SEM1: variants seen among roughly 807,000 people sequenced by gnomAD.
SEM1 encodes the protein 26S proteasome complex subunit SEM1.
In SEM1, 3 loss-of-function variants were observed where a neutral mutation model predicts 12.7. The observed-to-expected ratio is 0.24, with a 90% CI of 0.11 to 0.61. The LOEUF (loss-of-function observed/expected upper bound fraction) is 0.61. Ranked by LOEUF, SEM1 falls within the 20% of genes least tolerant of loss-of-function variation. The pLI is 0.88. For synonymous variants in SEM1, 30 were observed against 27.8 expected (o/e 1.08, Z -0.25); for missense variants, 59 against 81.3 (o/e 0.73, Z 1.06).
chr7:96,514,421 AACAAG>A (rs1804027250), intron 2 of SEM1, among the ~76,000 whole-genome samples: 1 of 152,136 alleles, frequency 6.6e-6, no homozygotes, highest in Non-Finnish European at 1.5e-5. Context: ...TAGATAATGC[AACAAG>A]ACAAGAAAAG....
chr7:96,587,282 ATGGC>A (rs1806671925), intron 2 of SEM1, among the ~76,000 whole-genome samples: 2 of 152,138 alleles, frequency 1.3e-5, no homozygotes, highest in Non-Finnish European at 2.9e-5. Flanking sequence ...CTTTTTCTCC[ATGGC>A]ATCTTTCATA....
chr7:96,652,921 T>G (rs947018068), intron 2 of SEM1, among the ~76,000 whole-genome samples: 6 of 152,198 alleles, frequency 3.9e-5, no homozygotes, highest in African/African-American at 9.7e-5. Context: ...ATCTGTTGGA[T>G]TTTCTAGTAG....
chr7:96,654,103 T>C (rs1022743832), intron 2 of SEM1, among the ~76,000 whole-genome samples: 9 of 152,202 alleles, frequency 5.9e-5, no homozygotes, highest in Admixed American at 5.2e-4. Context: ...AGCCCTATAT[T>C]TGTAATGGAG....
At chr7:96,673,587 C>G (rs535571612) in exon 3 of SEM1, 311 of 614,854 alleles carry the variant, frequency 5.1e-4, no homozygotes, top group Middle Eastern at 3.1e-3. Flanking sequence ...CAGGCTGGAC[C>G]TTCACCCAGG....
intron 2 of SEM1, among the ~76,000 whole-genome samples, chr7:96,522,338 T>C (rs1804302410): frequency 6.6e-6 from 1 of 152,142 alleles, no homozygotes; most frequent in Non-Finnish European, 1.5e-5. Flanking sequence ...GTTGTCCTTA[T>C]GTAGATGAAT....
At chr7:96,609,247 T>C (rs924645289) in intron 2 of SEM1, among the ~76,000 whole-genome samples, 2 of 152,188 alleles carry the variant, frequency 1.3e-5, no homozygotes, top group Non-Finnish European at 2.9e-5. Flanking sequence ...CTTAATCCAG[T>C]GATGCAAACA....
At chr7:96,659,576 C>T (rs1304593472) in intron 2 of SEM1, among the ~76,000 whole-genome samples, 1 of 152,080 alleles carries the variant, frequency 6.6e-6, no homozygotes, top group African/African-American at 2.4e-5. Flanking sequence ...ATCTAAACAA[C>T]ATTATTTGCA....
chr7:96,634,889 G>A (rs1389809012), intron 2 of SEM1, among the ~76,000 whole-genome samples: 1 of 151,976 alleles, frequency 6.6e-6, no homozygotes, highest in Non-Finnish European at 1.5e-5. Flanking sequence ...TATTTTTTAA[G>A]TATAATAAAG....
chr7:96,561,292 A>AG (rs1284114482), intron 2 of SEM1, among the ~76,000 whole-genome samples: 1 of 152,192 alleles, frequency 6.6e-6, no homozygotes, highest in African/African-American at 2.4e-5. Context: ...GCAATGGAAA[A>AG]GGGGGTGAGG....
chr7:96,634,350 T>C (rs1341032990), intron 2 of SEM1, among the ~76,000 whole-genome samples: 1 of 151,966 alleles, frequency 6.6e-6, no homozygotes, highest in East Asian at 1.9e-4. Context: ...GATGAAAGAA[T>C]AGGTAGATCA....
chr7:96,561,199 G>A (rs1805682224), intron 2 of SEM1, among the ~76,000 whole-genome samples: 5 of 152,106 alleles, frequency 3.3e-5, no homozygotes. Flanking sequence ...ATTATTTCAA[G>A]ATAATTAGAA....
downstream of SEM1, among the ~76,000 whole-genome samples, chr7:96,672,250 G>A (rs188723024): frequency 2.8e-4 from 42 of 152,344 alleles, no homozygotes; most frequent in African/African-American, 1.0e-3. Flanking sequence ...AGTTGTGCCT[G>A]TTCTGCCCCA....
chr7:96,694,973 G>T, intron 1 of SEM1, 82 bp from the exon 2 acceptor site: 1 of 956,120 alleles, frequency 1.0e-6, no homozygotes, highest in South Asian at 1.5e-5. Context: ...GCTTGCTACT[G>T]AACACTCACA....
At chr7:96,630,779 A>G (rs1808230111) in intron 2 of SEM1, among the ~76,000 whole-genome samples, 1 of 151,656 alleles carries the variant, frequency 6.6e-6, no homozygotes, top group African/African-American at 2.4e-5. Context: ...GGCTCACCCA[A>G]GGCCCTTGCC....
chr7:96,610,484 C>T (rs1807507812), intron 2 of SEM1, among the ~76,000 whole-genome samples: 2 of 152,168 alleles, frequency 1.3e-5, no homozygotes, highest in South Asian at 4.1e-4. Flanking sequence ...ACCAATGATA[C>T]TCTAGGTAAG....
At chr7:96,552,660 T>A (rs1442248397) in intron 2 of SEM1, among the ~76,000 whole-genome samples, 10 of 149,902 alleles carry the variant, frequency 6.7e-5, no homozygotes, top group Non-Finnish European at 1.5e-5. Context: ...TACGTGTGCA[T>A]GTGTCTTTAT....
At chr7:96,587,504 C>G (rs1201392009) in intron 2 of SEM1, among the ~76,000 whole-genome samples, 1 of 152,100 alleles carries the variant, frequency 6.6e-6, no homozygotes, top group Non-Finnish European at 1.5e-5. Context: ...GAATATTTCC[C>G]CAGTTTTCCA....
At chr7:96,647,143 G>A (rs908873036) in intron 2 of SEM1, among the ~76,000 whole-genome samples, 11 of 152,114 alleles carry the variant, frequency 7.2e-5, no homozygotes, top group Non-Finnish European at 1.3e-4. Flanking sequence ...TCTCAGTCAA[G>A]TTTACTTATG....
intron 2 of SEM1, among the ~76,000 whole-genome samples, chr7:96,606,163 C>G (rs11761969): frequency 0.12 from 18,182 of 152,140 alleles, 1,128 homozygotes; most frequent in Middle Eastern, 0.18. Context: ...TAAACTTCAT[C>G]ATAGGTATGT....
Sources: allele counts gnomAD v4.1 joint callset (sites outside exome capture counted in the v4.1 genomes callset), GRCh38; gene constraint gnomAD v4.1.1; transcripts MANE v1.5; gene names NCBI Gene and HGNC (gene_info 2026-07-23, HGNC 2026-07-21).